AHCYL2: variants seen among roughly 807,000 people sequenced by gnomAD.
The protein encoded by AHCYL2 is S-adenosylhomocysteine hydrolase-like protein 2.
A neutral mutation model predicts 81.4 loss-of-function variants in AHCYL2; 28 were observed. The observed-to-expected ratio is 0.34, with a 90% CI of 0.25 to 0.47. The LOEUF is 0.47. Ranked by LOEUF, AHCYL2 falls within the 20% of genes least tolerant of loss-of-function variation. The pLI is 1.00. For missense variants in AHCYL2, 551 were observed against 785.1 expected, an observed-to-expected ratio of 0.70 and a Z score of 3.56; for synonymous variants, 272 against 290.2, an observed-to-expected ratio of 0.94 and a Z score of 0.64.
intron 1 of AHCYL2, among the ~76,000 whole-genome samples, chr7:129,351,164 C>G (rs1270053764): frequency 6.6e-6 from 1 of 151,960 alleles, no homozygotes; most frequent in Admixed American, 6.5e-5. Context: ...TATTTTAAAA[C>G]AAGTCAAAGA....
chr7:129,344,640 T>C (rs1584804534), intron 1 of AHCYL2, among the ~76,000 whole-genome samples: 1 of 152,092 alleles, frequency 6.6e-6, no homozygotes. Context: ...CCAAAAATTA[T>C]AAGTGTTATG....
chr7:129,305,531 T>C (rs1307061008), intron 1 of AHCYL2, among the ~76,000 whole-genome samples: 1 of 152,210 alleles, frequency 6.6e-6, no homozygotes, highest in Non-Finnish European at 1.5e-5. Context: ...TAATTTTTTG[T>C]TGTTTCTATT....
At chr7:129,403,860 C>CAAAAAAAAAAAAAAAAAAAAAAAAAAAAA (rs34806455) in intron 7 of AHCYL2, among the ~76,000 whole-genome samples, 1 of 80,216 alleles carries the variant, frequency 1.2e-5, no homozygotes, top group African/African-American at 4.0e-5. Context: ...GACTCCATCT[C>CAAAAAAAAAAAAAAAAAAAAAAAAAAAAA]AAAAAAAAAA....
rs4731575 is a variant in AHCYL2 at position 129,428,306 on chromosome 7, A to G, written c.*1261A>G. On this transcript the variant is annotated 3_prime_UTR_variant, in exon 17 of 17. Transcript: ENST00000325006. Reference sequence around the variant, plus strand: ...CTTCCATTTGATGATTCTGTATTTCAGAGTCAGTTTCTTGAGTAACTCCAG... The same window carrying G: ...CTTCCATTTGATGATTCTGTATTTCGGAGTCAGTTTCTTGAGTAACTCCAG... The G allele has an allele frequency of 0.29, 43,407 of 152,086 alleles. 7,622 individuals carry two copies. Among genetic ancestry groups the G allele is most frequent in the East Asian group, 0.59 (3,070 of 5,174 alleles). The allele number at this position is 152,086 out of a possible 1,614,324, so 9.4% of individuals were successfully genotyped here. A position where few individuals can be genotyped will look rare whatever the true frequency, so the allele number is the denominator to read the frequency against.
At chr7:129,319,499 G>A (rs1038387655) in intron 1 of AHCYL2, among the ~76,000 whole-genome samples, 1 of 151,982 alleles carries the variant, frequency 6.6e-6, no homozygotes, top group African/African-American at 2.4e-5. Flanking sequence ...TCTTGATTAG[G>A]GGAATGCACA....
At chr7:129,323,673 G>T (rs551830711) in intron 1 of AHCYL2, among the ~76,000 whole-genome samples, 2 of 152,198 alleles carry the variant, frequency 1.3e-5, no homozygotes, top group Non-Finnish European at 2.9e-5. Context: ...AGTTAGAATT[G>T]TAGGTTTGTC....
rs1795015092 is a variant in AHCYL2, at chr7:129,245,364, T to C, written c.363+19925T>C. Among the ~76,000 whole-genome samples the C allele has an allele frequency of 1.3e-5, 2 of 152,176 alleles. 1 individual carries two copies. The highest frequency in any genetic ancestry group is 2.9e-5 in the Non-Finnish European group (2 of 68,040). On this transcript the variant is annotated intron_variant, in intron 1 of 16. Transcript: ENST00000325006. Reference sequence around the variant, plus strand: ...ATGGTAAAATATATATAACATGCAATTTACCATTTTATACATTTTTAAGTG... The same window carrying C: ...ATGGTAAAATATATATAACATGCAACTTACCATTTTATACATTTTTAAGTG...
intron 2 of AHCYL2, among the ~76,000 whole-genome samples, chr7:129,382,054 T>G (rs550713662): frequency 6.6e-6 from 1 of 152,254 alleles, no homozygotes; most frequent in Non-Finnish European, 1.5e-5. Context: ...GGACTAGGAG[T>G]TAGGAGAGAC....
intron 1 of AHCYL2, among the ~76,000 whole-genome samples, chr7:129,270,203 T>C (rs2150727362): frequency 6.6e-6 from 1 of 152,332 alleles, no homozygotes; most frequent in South Asian, 2.1e-4. Context: ...GTTGAGGGAT[T>C]CTACCTTCCT....
At chr7:129,267,228 G>GGGGT (rs979504918) in intron 1 of AHCYL2, among the ~76,000 whole-genome samples, 2 of 43,076 alleles carry the variant, frequency 4.6e-5, no homozygotes, top group African/African-American at 1.5e-4. Flanking sequence ...GTTCACTCAA[G>GGGGT]GGGTGTGTGT....
intron 1 of AHCYL2, among the ~76,000 whole-genome samples, chr7:129,266,397 C>A (rs757224290): frequency 2.6e-5 from 4 of 152,142 alleles, no homozygotes; most frequent in Non-Finnish European, 5.9e-5. Flanking sequence ...CGTGGTGGCT[C>A]ACGCCTGTAA....
chr7:129,332,109 TATA>T (rs1394640744), intron 1 of AHCYL2, among the ~76,000 whole-genome samples: 1 of 152,100 alleles, frequency 6.6e-6, no homozygotes, highest in Non-Finnish European at 1.5e-5. Flanking sequence ...TAAAAAAAGT[TATA>T]AGATGATATC....
At position 129,393,921 on chromosome 7, in the gene AHCYL2, C is replaced by T. The variant is rs927887722; in HGVS notation, c.721-3301C>T. On this transcript the variant is annotated intron_variant, in intron 4 of 16. Transcript: ENST00000325006. ...GAAAGAATCCATAGACTCCCATAGACCCCATAGATTTTGAGCACTCCGTTG... is the reference window on the plus strand; with the variant it reads ...GAAAGAATCCATAGACTCCCATAGATCCCATAGATTTTGAGCACTCCGTTG... Among the ~76,000 whole-genome samples, 4 of 152,302 alleles carry T rather than the reference C, an allele frequency of 2.6e-5. No individual in the cohort carries two copies. The East Asian group carries it at 7.7e-4, about 29-fold the overall frequency.
At chr7:129,390,995 A>T (rs938320568) in intron 4 of AHCYL2, among the ~76,000 whole-genome samples, 1 of 152,204 alleles carries the variant, frequency 6.6e-6, no homozygotes, top group Admixed American at 6.5e-5. Context: ...TCAATATAAA[A>T]TCTTAACTGA....
intron 1 of AHCYL2, among the ~76,000 whole-genome samples, chr7:129,353,246 C>CCATTCTTTA (rs921470389): frequency 4.6e-5 from 7 of 152,336 alleles, no homozygotes; most frequent in Non-Finnish European, 8.8e-5. Flanking sequence ...CCATGCCCGG[C>CCATTCTTTA]CATTCTTTAC....
intron 1 of AHCYL2, among the ~76,000 whole-genome samples, chr7:129,305,725 C>T (rs1200437049): frequency 6.6e-6 from 1 of 152,172 alleles, no homozygotes; most frequent in Non-Finnish European, 1.5e-5. Flanking sequence ...TGATCATTAG[C>T]ATCCTCTTCT....
intron 6 of AHCYL2, among the ~76,000 whole-genome samples, chr7:129,402,284 G>A (rs937404512): frequency 1.3e-5 from 2 of 152,156 alleles, no homozygotes; most frequent in Middle Eastern, 3.2e-3. Flanking sequence ...TTGGATCCTG[G>A]TTCTCAAGCA....
At chr7:129,397,168 T>C in intron 4 of AHCYL2, 54 bp from the exon 5 acceptor site, 1 of 1,416,122 alleles carries the variant, frequency 7.1e-7, no homozygotes, top group Admixed American at 2.0e-5. Flanking sequence ...CTTTATCTCC[T>C]TGACTAGTTG....
At chr7:129,339,500 GC>G (rs1297636896) in intron 1 of AHCYL2, among the ~76,000 whole-genome samples, 1 of 152,072 alleles carries the variant, frequency 6.6e-6, no homozygotes, top group Non-Finnish European at 1.5e-5. Context: ...ATGTTTCCAT[GC>G]CTTTAATGCA....
Sources: allele counts gnomAD v4.1 joint callset (sites outside exome capture counted in the v4.1 genomes callset), GRCh38; gene constraint gnomAD v4.1.1; transcripts MANE v1.5; gene names NCBI Gene and HGNC (gene_info 2026-07-23, HGNC 2026-07-21).